The following STK39 variants were observed in gnomAD, a reference collection of about 807,000 sequenced individuals.
STK39 encodes the protein serine/threonine kinase 39.
In STK39, 20 loss-of-function variants were observed where a neutral mutation model predicts 77.8. The observed-to-expected ratio is 0.26, with a 90% CI of 0.18 to 0.37. The LOEUF is 0.37. Among genes scored for constraint, STK39 ranks in the 10% least tolerant of loss-of-function variants. The probability of loss-of-function intolerance (pLI) is 1.00; values close to 1 mark genes in which losing one functional copy is unlikely to be tolerated. For missense variants in STK39, 479 were observed against 656.5 expected, an observed-to-expected ratio of 0.73 and a Z score of 2.95; for synonymous variants, 246 against 234.1, an observed-to-expected ratio of 1.05 and a Z score of -0.47.
chr2:168,236,623 G>A (rs76578770), intron 1 of STK39, among the ~76,000 whole-genome samples: 5,347 of 151,916 alleles, frequency 0.035, 194 homozygotes, highest in African/African-American at 0.098. Context: ...TGAATTAATC[G>A]TATAAGGCGT....
rs187972656 is a variant in STK39 at position 167,973,372 on chromosome 2, T to G, written c.1499-8646A>C. On this transcript the variant is annotated intron_variant, in intron 16 of 17. Coordinates refer to ENST00000355999, the MANE Select transcript of STK39 (RefSeq NM_013233.3). ...GGAGCATTAGATTCTAGATAAGGCCTGAGGACATTCAGAATTAGCCATGCC... is the reference window on the plus strand; with the variant it reads ...GGAGCATTAGATTCTAGATAAGGCCGGAGGACATTCAGAATTAGCCATGCC... Among the ~76,000 whole-genome samples, 558 of 152,358 alleles carry G rather than the reference T, an allele frequency of 3.7e-3. 2 individuals carry two copies. Among genetic ancestry groups the G allele is most frequent in the African/African-American group, 0.012 (503 of 41,594 alleles).
intron 14 of STK39, among the ~76,000 whole-genome samples, chr2:168,032,223 A>G (rs565291507): frequency 6.6e-6 from 1 of 152,258 alleles, no homozygotes; most frequent in South Asian, 2.1e-4. Context: ...CGCTCAAAAC[A>G]TTTTCCTCAG....
At chr2:168,195,344 G>C (rs1044709034) in intron 1 of STK39, among the ~76,000 whole-genome samples, 6 of 152,140 alleles carry the variant, frequency 3.9e-5, no homozygotes, top group African/African-American at 1.4e-4. Flanking sequence ...AGGTTGCAGT[G>C]AGCCACGATG....
At chr2:168,159,444 A>G (rs538741302) in intron 5 of STK39, among the ~76,000 whole-genome samples, 1 of 152,320 alleles carries the variant, frequency 6.6e-6, no homozygotes, top group African/African-American at 2.4e-5. Flanking sequence ...ATTTTTGTTC[A>G]GGCAGCAACC....
At chr2:168,097,731 C>T (rs1686707546) in intron 10 of STK39, among the ~76,000 whole-genome samples, 1 of 128,316 alleles carries the variant, frequency 7.8e-6, no homozygotes, top group African/African-American at 2.7e-5. Flanking sequence ...AAAATCCTGT[C>T]TCAAAAACAA....
intron 14 of STK39, among the ~76,000 whole-genome samples, chr2:168,060,923 T>C (rs1430620278): frequency 1.3e-5 from 2 of 151,842 alleles, no homozygotes; most frequent in African/African-American, 4.9e-5. Flanking sequence ...TTAATCAATG[T>C]TTTGGATAAA....
chr2:168,167,477 C>A (rs112901927), intron 2 of STK39, 70 bp from the exon 3 acceptor site: 5 of 1,358,398 alleles, frequency 3.7e-6, no homozygotes, highest in Non-Finnish European at 5.2e-6. Flanking sequence ...AAGTGAATCA[C>A]AGTTGAGTAC....
intron 1 of STK39, among the ~76,000 whole-genome samples, chr2:168,217,805 T>C (rs757521815): frequency 3.9e-5 from 6 of 152,200 alleles, no homozygotes; most frequent in Admixed American, 1.3e-4. Flanking sequence ...GTATTTTCAA[T>C]CTACATTTAA....
Position 168,219,178 on chromosome 2 carries a change from CG to C in STK39, c.208+28049del, listed in dbSNP as rs570842727. 5.9e-4 allele frequency among the ~76,000 whole-genome samples: 90 copies of C among 151,888 alleles called. 1 individual carries two copies. In the South Asian group the frequency reaches 0.019, roughly 31 times the overall value. ...GCTCATGCCTGTAATCCCAGCTACT[CG>C]GGAGGCTGAGGCAGGAGAATCGCTT... On this transcript the variant is annotated intron_variant, in intron 1 of 17. Coordinates refer to ENST00000355999, the MANE Select transcript of STK39 (RefSeq NM_013233.3).
intron 16 of STK39, among the ~76,000 whole-genome samples, chr2:167,980,414 T>C (rs577921443): frequency 6.6e-6 from 1 of 152,242 alleles, no homozygotes; most frequent in Non-Finnish European, 1.5e-5. Context: ...TAGTCACCTA[T>C]TAACAGGACA....
At chr2:168,182,117 C>T (rs774056799) in intron 1 of STK39, 27 bp from the exon 2 acceptor site, 19 of 1,581,198 alleles carry the variant, frequency 1.2e-5, no homozygotes, top group Middle Eastern at 3.3e-4. Flanking sequence ...ACAACATCAG[C>T]GATCAAATGG....
At chr2:168,091,043 A>G (rs1437075958) in intron 10 of STK39, among the ~76,000 whole-genome samples, 1 of 152,068 alleles carries the variant, frequency 6.6e-6, no homozygotes, top group East Asian at 1.9e-4. Context: ...AAACAGACCC[A>G]TGTTGGTTCA....
At chr2:168,097,499 A>G (rs1475922758) in intron 10 of STK39, among the ~76,000 whole-genome samples, 1 of 152,160 alleles carries the variant, frequency 6.6e-6, no homozygotes, top group Non-Finnish European at 1.5e-5. Flanking sequence ...ATGAGGCAGG[A>G]GAATGGCTTG....
intron 1 of STK39, among the ~76,000 whole-genome samples, chr2:168,222,058 G>A (rs567062449): frequency 6.6e-6 from 1 of 152,272 alleles, no homozygotes; most frequent in Non-Finnish European, 1.5e-5. Flanking sequence ...CATGTTTATA[G>A]AGTAGTGTAT....
intron 8 of STK39, among the ~76,000 whole-genome samples, chr2:168,136,367 C>CA (rs775507627): frequency 0.026 from 1,661 of 64,578 alleles, 17 homozygotes; most frequent in African/African-American, 0.068. Context: ...GACTCCGTCT[C>CA]AAAAAAAAAA....
intron 10 of STK39, among the ~76,000 whole-genome samples, chr2:168,124,452 G>A (rs1297278412): frequency 6.6e-6 from 1 of 152,146 alleles, no homozygotes; most frequent in Non-Finnish European, 1.5e-5. Context: ...CCAGGATAGA[G>A]TGCAGTGTCA....
chr2:168,024,968 C>CA (rs1324392830), intron 14 of STK39, among the ~76,000 whole-genome samples: 1 of 152,208 alleles, frequency 6.6e-6, no homozygotes, highest in Non-Finnish European at 1.5e-5. Context: ...ACTGGGTACA[C>CA]AGATAGTATT....
At chr2:168,116,878 A>G (rs1366779687) in intron 10 of STK39, among the ~76,000 whole-genome samples, 1 of 152,234 alleles carries the variant, frequency 6.6e-6, no homozygotes, top group Non-Finnish European at 1.5e-5. Context: ...AAGTGAGGAA[A>G]TAAGTAAAAG....
At chr2:168,042,456 C>A (rs1465770293) in intron 14 of STK39, among the ~76,000 whole-genome samples, 1 of 152,126 alleles carries the variant, frequency 6.6e-6, no homozygotes, top group Non-Finnish European at 1.5e-5. Context: ...TAGGTTATGG[C>A]ACAATTCCTA....
Sources: gnomAD v4.1 joint callset for allele counts (sites outside exome capture counted in the v4.1 genomes callset) on GRCh38, gnomAD v4.1.1 for gene constraint, MANE v1.5 for transcripts, NCBI Gene and HGNC (gene_info 2026-07-23, HGNC 2026-07-21) for gene names.